GLCCI1: variants seen among roughly 807,000 people sequenced by gnomAD.
GLCCI1 encodes glucocorticoid induced 1.
Under a neutral mutation model 52.2 loss-of-function variants are expected in GLCCI1, and 24 were observed. The observed-to-expected ratio is 0.46, with a 90% CI of 0.33 to 0.65. The LOEUF (loss-of-function observed/expected upper bound fraction) is 0.65. Among genes scored for constraint, GLCCI1 ranks in the 30% least tolerant of loss-of-function variants. GLCCI1 has a pLI of 0.02. For synonymous variants in GLCCI1, 310 were observed against 276.5 expected (o/e 1.12, Z -1.20); for missense variants, 704 against 701.5 (o/e 1.00, Z -0.04).
chr7:7,969,479 G>GGGC lies in GLCCI1; in HGVS notation c.143_145dup (p.Gly48dup), dbSNP rs530365789. 5,328 of 1,031,696 alleles carry GGGC rather than the reference G, an allele frequency of 5.2e-3. 233 individuals are homozygous for GGGC. In the African/African-American group the frequency reaches 0.084, roughly 16 times the overall value. 63.9% of individuals were successfully genotyped at this position (1,031,696 alleles called of 1,614,324 possible). ...CCGCCGCCGGGAGCGGGAACGGTGC[G>GGGC]GGCGGCGGCGGCGGCGTGGGCTGCG... On this transcript the variant is annotated inframe_insertion, in exon 1 of 8. Coordinates refer to ENST00000223145, the MANE Select transcript of GLCCI1 (RefSeq NM_138426.4). This position sits in a 1 kb window ranked among gnomAD's most constrained non-coding sequence, Gnocchi z 4.9.
intron 6 of GLCCI1, among the ~76,000 whole-genome samples, chr7:8,077,051 G>A (rs1358361094): frequency 6.6e-6 from 1 of 152,190 alleles, no homozygotes; most frequent in African/African-American, 2.4e-5. Flanking sequence ...TGGTGGGAAA[G>A]AGGCCATGAA....
chr7:8,038,720 T>C, intron 3 of GLCCI1, among the ~76,000 whole-genome samples: 1 of 152,098 alleles, frequency 6.6e-6, no homozygotes, highest in Non-Finnish European at 1.5e-5. Context: ...GCAAAAAATT[T>C]ATGAGTAAGA....
At position 7,969,877 on chromosome 7, in the gene GLCCI1, C is replaced by T; in HGVS notation, c.457+70C>T. On this transcript the variant is annotated intron_variant, in intron 1 of 7. Transcript: ENST00000223145. This position sits in a 1 kb window ranked among gnomAD's most constrained non-coding sequence, Gnocchi z 4.9. Reference sequence around the variant, plus strand: ...ACGGTGCCCTCCGTGGAAACTTCAGCCTCTTCGGGCTTCTCTTTGCTAGTG... The same window carrying T: ...ACGGTGCCCTCCGTGGAAACTTCAGTCTCTTCGGGCTTCTCTTTGCTAGTG... 2.4e-5 allele frequency: 30 copies of T among 1,252,530 alleles called. No homozygotes were observed. The highest frequency in any genetic ancestry group is 3.0e-5 in the Non-Finnish European group (30 of 984,178). 77.6% of individuals were successfully genotyped at this position (1,252,530 alleles called of 1,614,324 possible).
intron 2 of GLCCI1, among the ~76,000 whole-genome samples, chr7:8,013,426 A>G (rs1055444913): frequency 1.3e-5 from 2 of 152,194 alleles, no homozygotes; most frequent in African/African-American, 2.4e-5. Context: ...TCTATGCTAT[A>G]CTATATACCA....
chr7:8,058,936 A>G (rs567162161), intron 4 of GLCCI1, among the ~76,000 whole-genome samples: 27 of 152,304 alleles, frequency 1.8e-4, no homozygotes, highest in Admixed American at 9.8e-4. Flanking sequence ...AAAGTAACCT[A>G]GAGAAAAGAA....
intron 4 of GLCCI1, among the ~76,000 whole-genome samples, chr7:8,056,789 G>A (rs1782408398): frequency 6.6e-6 from 1 of 152,022 alleles, no homozygotes; most frequent in African/African-American, 2.4e-5. Context: ...CTAAAAATAG[G>A]ATATTTCATA....
chr7:8,045,957 C>G (rs1298469932), intron 3 of GLCCI1, among the ~76,000 whole-genome samples: 7 of 111,430 alleles, frequency 6.3e-5, no homozygotes, highest in East Asian at 2.4e-4. Context: ...GTAAGAACCA[C>G]AATTCCAAAA....
chr7:8,080,079 A>G (rs1438004314), intron 6 of GLCCI1, among the ~76,000 whole-genome samples: 4 of 151,602 alleles, frequency 2.6e-5, no homozygotes, highest in African/African-American at 9.8e-5. Context: ...CTGAAAATAC[A>G]GGCTTTTTAA....
chr7:8,055,418 T>A lies in GLCCI1; in HGVS notation c.697-15T>A. 1 of 1,546,358 alleles carries A rather than the reference T, an allele frequency of 6.5e-7. No individual in the cohort carries two copies. Among genetic ancestry groups the A allele is most frequent in the Non-Finnish European group, 8.9e-7 (1 of 1,120,036 alleles). ...CTTTTATTCTCTTCTTACTTCTCTTTCCCTGTCCCCAAAGCAGATCGCCAA... is the reference window on the plus strand; with the variant it reads ...CTTTTATTCTCTTCTTACTTCTCTTACCCTGTCCCCAAAGCAGATCGCCAA... On this transcript the variant is annotated splice_polypyrimidine_tract_variant and intron_variant, in intron 3 of 7. Transcript: ENST00000223145.
intron 2 of GLCCI1, among the ~76,000 whole-genome samples, chr7:8,021,569 G>T (rs1781492737): frequency 6.6e-6 from 1 of 152,074 alleles, no homozygotes; most frequent in South Asian, 2.1e-4. Context: ...CTCGCCACCA[G>T]GCCCAGCTAA....
chr7:8,003,857 T>TAAATTTTATTTTATTCA (rs1781094563), intron 1 of GLCCI1, 51 bp from the exon 2 acceptor site: 1 of 1,531,586 alleles, frequency 6.5e-7, no homozygotes, highest in Admixed American at 1.9e-5. Context: ...TAGATAACTT[T>TAAATTTTATTTTATTCA]AAATTTTATT....
At chr7:7,989,544 G>T (rs1195071473) in intron 1 of GLCCI1, among the ~76,000 whole-genome samples, 1 of 152,022 alleles carries the variant, frequency 6.6e-6, no homozygotes, top group African/African-American at 2.4e-5. Context: ...GAATATTAAC[G>T]AGAAATATGG....
chr7:7,986,531 GA>G (rs1032681058), intron 1 of GLCCI1, among the ~76,000 whole-genome samples: 1 of 117,994 alleles, frequency 8.5e-6, no homozygotes, highest in African/African-American at 3.1e-5. Context: ...ACTCAAAAAA[GA>G]AAAAAAAGAA....
At chr7:7,970,876 C>A (rs963726124) in intron 1 of GLCCI1, among the ~76,000 whole-genome samples, 1 of 151,498 alleles carries the variant, frequency 6.6e-6, no homozygotes, top group East Asian at 1.9e-4. Flanking sequence ...GTGGAAAAAT[C>A]TCTGCTTGGA....
At chr7:8,022,969 G>C (rs934404294) in intron 3 of GLCCI1, among the ~76,000 whole-genome samples, 11 of 152,158 alleles carry the variant, frequency 7.2e-5, no homozygotes, top group African/African-American at 2.7e-4. Context: ...AGCAACCAGA[G>C]CTATAGGTTA....
At chr7:8,083,246 C>G (rs17142814) in intron 6 of GLCCI1, among the ~76,000 whole-genome samples, 20,711 of 152,096 alleles carry the variant, frequency 0.14, 1,533 homozygotes, top group Admixed American at 0.19. Context: ...ATCCTCCCTA[C>G]TTACTTGTAT....
chr7:7,986,889 A>G (rs1780745150), intron 1 of GLCCI1, among the ~76,000 whole-genome samples: 1 of 152,114 alleles, frequency 6.6e-6, no homozygotes, highest in African/African-American at 2.4e-5. Flanking sequence ...TCTGGTCACT[A>G]TATCTTGTCT....
At chr7:7,996,337 A>G (rs563605331) in intron 1 of GLCCI1, among the ~76,000 whole-genome samples, 3 of 152,306 alleles carry the variant, frequency 2.0e-5, no homozygotes, top group African/African-American at 7.2e-5. Context: ...CTACTTTGCT[A>G]AAGTTCGTTA....
rs745822467 is a variant in GLCCI1 at position 8,022,470 on chromosome 7, A to G, written c.610-13A>G. The G allele has an allele frequency of 2.8e-6, 4 of 1,452,772 alleles. No individual in the cohort carries two copies. Among genetic ancestry groups the G allele is most frequent in the Non-Finnish European group, 3.7e-6 (4 of 1,081,560 alleles). 90.0% of individuals were successfully genotyped at this position (1,452,772 alleles called of 1,614,324 possible). ...AAAATTTCTTATTTTATTTATATATATATTTTTTAAAGACACCTAGCTGTT... is the reference window on the plus strand; with the variant it reads ...AAAATTTCTTATTTTATTTATATATGTATTTTTTAAAGACACCTAGCTGTT... On this transcript the variant is annotated splice_polypyrimidine_tract_variant and intron_variant, in intron 2 of 7. Coordinates refer to ENST00000223145, the MANE Select transcript of GLCCI1 (RefSeq NM_138426.4).
Sources: allele counts gnomAD v4.1 joint callset (sites outside exome capture counted in the v4.1 genomes callset), GRCh38; gene constraint gnomAD v4.1.1; non-coding constraint Gnocchi (gnomAD v3.1); transcripts MANE v1.5; gene names NCBI Gene and HGNC (gene_info 2026-07-23, HGNC 2026-07-21).